RO60: variants seen among roughly 807,000 people sequenced by gnomAD.
The protein encoded by RO60 is RNA-binding protein RO60.
In RO60, 20 loss-of-function variants were observed where a neutral mutation model predicts 55.3. The ratio of observed to expected loss-of-function variants is 0.36; its 90% CI spans 0.25 to 0.53. The LOEUF is 0.53. Among genes scored for constraint, RO60 ranks in the 20% least tolerant of loss-of-function variants. The pLI, the probability that RO60 is intolerant of heterozygous loss-of-function variation, is 0.92. For synonymous variants in RO60, 213 were observed against 213.6 expected, an observed-to-expected ratio of 1.00 and a Z score of 0.02; for missense variants, 558 against 646.6, an observed-to-expected ratio of 0.86 and a Z score of 1.49.
chr1:193,059,929 C>T lies in RO60; in HGVS notation c.-22+153C>T, dbSNP rs1163813599. ...ATCGCTCTTCCCCGTCCCGCTTCCG[C>T]GCCTGTCCACCCTGGGTAACGGAAC... On this transcript the variant is annotated intron_variant, in intron 1 of 8. Transcript: ENST00000400968. This position sits in a 1 kb window ranked among gnomAD's most constrained non-coding sequence, Gnocchi z 4.9. 7.3e-6 allele frequency: 10 copies of T among 1,366,294 alleles called. No homozygotes were observed. Among genetic ancestry groups the T allele is most frequent in the Non-Finnish European group, 6.9e-6 (7 of 1,021,756 alleles). The allele number at this position is 1,366,294 out of a possible 1,614,324, so 84.6% of individuals were successfully genotyped here.
intron 1 of RO60, chr1:193,060,380 T>C: frequency 4.1e-6 from 1 of 244,848 alleles, no homozygotes; most frequent in Non-Finnish European, 8.2e-6. Context: ...ATTTACTAAA[T>C]TGCCCTCATT....
intron 2 of RO60, among the ~76,000 whole-genome samples, chr1:193,073,945 T>C (rs1558243279): frequency 1.4e-5 from 2 of 145,558 alleles, no homozygotes; most frequent in Non-Finnish European, 3.0e-5. Context: ...TGTCCATGTG[T>C]TCTCATTGTT....
intron 1 of RO60, among the ~76,000 whole-genome samples, chr1:193,067,345 C>T (rs1031516541): frequency 4.6e-5 from 7 of 151,846 alleles, no homozygotes; most frequent in East Asian, 3.9e-4. Context: ...CCTGCCAACA[C>T]GCCCGGCTAA....
At chr1:193,080,313 G>C (rs1674222644) in intron 5 of RO60, among the ~76,000 whole-genome samples, 1 of 152,088 alleles carries the variant, frequency 6.6e-6, no homozygotes. Flanking sequence ...TGGTGGGAAT[G>C]TAAAATGGTA....
chr1:193,084,728 T>A lies in RO60; in HGVS notation c.1614T>A (p.Ile538=), dbSNP rs1558255191. The A allele has an allele frequency of 1.2e-6, 2 of 1,611,892 alleles. No individual in the cohort carries two copies. Among genetic ancestry groups the A allele is most frequent in the Non-Finnish European group, 1.7e-6 (2 of 1,179,354 alleles). The change falls in exon 9 of 9, where the codon ATT becomes ATA. Residue 538 remains isoleucine (I), a synonymous_variant. Coordinates refer to ENST00000400968, the MANE Select transcript of RO60 (RefSeq NM_001173524.2). ...TTCGAAATTTCACATTAGATATGAT[T>A]TAACCATAAGCAGCAGCACGATCCA... ...DVIRNFTLDM[I]
At chr1:193,060,037 T>C in intron 1 of RO60, 2 of 1,346,530 alleles carry the variant, frequency 1.5e-6, no homozygotes, top group Non-Finnish European at 2.0e-6. Flanking sequence ...GGACCGCTCC[T>C]GCTTGTCGGC....
Position 193,069,188 on chromosome 1 carries a change from C to A in RO60, c.134C>A (p.Thr45Asn). ...RFLCFGSEGGTYYIKEQKLGL... is the reference protein window; with the variant it reads ...RFLCFGSEGGNYYIKEQKLGL... ...TTATGTTTCGGTTCTGAAGGTGGGA[C>A]TTATTATATCAAAGAACAGAAGTTG... Residue 45 changes from threonine (T) to asparagine (N), a missense_variant, in exon 2 of 9, where the codon ACT becomes AAT. Transcript: ENST00000400968. 1 of 1,614,120 alleles carries A rather than the reference C, an allele frequency of 6.2e-7. No individual in the cohort carries two copies. The highest frequency in any genetic ancestry group is 8.5e-7 in the Non-Finnish European group (1 of 1,180,024).
chr1:193,087,680 G>A lies in RO60; in HGVS notation c.*2949G>A, dbSNP rs1029752556. On this transcript the variant is annotated 3_prime_UTR_variant, in exon 9 of 9. Coordinates refer to ENST00000400968, the MANE Select transcript of RO60 (RefSeq NM_001173524.2). ...ACATATCTGTGCTTGGATCATAGAA[G>A]AATCAGTGATTTAATATTTGTATAA... 2.0e-5 allele frequency: 3 copies of A among 151,338 alleles called. No individual in the cohort carries two copies. Among genetic ancestry groups the A allele is most frequent in the Non-Finnish European group, 4.4e-5 (3 of 67,874 alleles). 9.4% of individuals were successfully genotyped at this position (151,338 alleles called of 1,614,324 possible). A position where few individuals can be genotyped will look rare whatever the true frequency, so the allele number is the denominator to read the frequency against.
chr1:193,062,880 G>C (rs951429776), intron 1 of RO60, among the ~76,000 whole-genome samples: 1 of 151,944 alleles, frequency 6.6e-6, no homozygotes. Flanking sequence ...CCTTTTTATT[G>C]TCTAATAATA....
rs1198877786 is a variant in RO60 at position 193,060,371 on chromosome 1, T to C, written c.-22+595T>C. 1.6e-5 allele frequency: 4 copies of C among 248,472 alleles called. No individual in the cohort carries two copies. In the East Asian group the frequency reaches 4.3e-4, roughly 27 times the overall value. The allele number at this position is 248,472 out of a possible 1,614,324, so 15.4% of individuals were successfully genotyped here. The stretch of plus-strand genomic sequence containing the variant: ...AGTTAAACCAAATATTTACTAAATA[T>C]TTACTAAATTGCCCTCATTCAGCAG... On this transcript the variant is annotated intron_variant, in intron 1 of 8. Transcript: ENST00000400968.
At chr1:193,066,872 C>T (rs929372710) in intron 1 of RO60, among the ~76,000 whole-genome samples, 4 of 152,172 alleles carry the variant, frequency 2.6e-5, no homozygotes, top group African/African-American at 7.2e-5. Flanking sequence ...TCAGAAACCT[C>T]TTCCTGGAGC....
intron 2 of RO60, among the ~76,000 whole-genome samples, chr1:193,073,910 CT>C (rs1402645452): frequency 1.4e-5 from 2 of 139,742 alleles, no homozygotes; most frequent in Non-Finnish European, 3.0e-5. Context: ...ACAACAGGCC[CT>C]GGTGTGTGAT....
rs1186773923 is a variant in RO60 at position 193,090,807 on chromosome 1, G to T, written c.*6076G>T. On this transcript the variant is annotated 3_prime_UTR_variant, in exon 9 of 9. Transcript: ENST00000400968. ...AGGCATACTAGTTACTTTCCTTGGG[G>T]TCTGTTTAAATAATGCCTTAATAGT... 1 of 151,768 alleles carries T rather than the reference G, an allele frequency of 6.6e-6. No homozygotes were observed. Among genetic ancestry groups the T allele is most frequent in the South Asian group, 2.1e-4 (1 of 4,820 alleles). The allele number at this position is 151,768 out of a possible 1,614,324, so 9.4% of individuals were successfully genotyped here.
At position 193,075,826 on chromosome 1, in the gene RO60, C is replaced by G. The variant is rs1558245104; in HGVS notation, c.587C>G (p.Ala196Gly). The change falls in exon 3 of 9, where the codon GCA becomes GGA. Residue 196 changes from alanine to glycine, a missense_variant. By Grantham distance (60) the Ala-to-Gly change is moderately conservative. Coordinates refer to ENST00000400968, the MANE Select transcript of RO60 (RefSeq NM_001173524.2). ...ATTCTTTATCTTGTTAAAGGACTTG[C>G]AATTGTGACCAAATATATTACAAAG... ...SHLKPSSEGL[A>G]IVTKYITKGW... 1 of 1,600,138 alleles carries G rather than the reference C, an allele frequency of 6.2e-7. No homozygotes were observed. The highest frequency in any genetic ancestry group is 1.1e-5 in the South Asian group (1 of 88,136).
In RO60 at chr1:193,069,605, G is replaced by A; in HGVS notation, c.551G>A (p.Arg184Lys). 2 of 1,613,498 alleles carry A rather than the reference G, an allele frequency of 1.2e-6. No homozygotes were observed. The highest frequency in any genetic ancestry group is 1.7e-6 in the Non-Finnish European group (2 of 1,179,522). ...GGCTGGTCTCACAAAGATCTATTAAGATTGTCACATCTTAAACCTTCCAGT... is the reference window on the plus strand; with the variant it reads ...GGCTGGTCTCACAAAGATCTATTAAAATTGTCACATCTTAAACCTTCCAGT... ...RNGWSHKDLL[R>K]LSHLKPSSEG... Residue 184 changes from arginine to lysine, a missense_variant, in exon 2 of 9, where the codon AGA becomes AAA. By Grantham distance (26) the Arg-to-Lys change is conservative. Coordinates refer to ENST00000400968, the MANE Select transcript of RO60 (RefSeq NM_001173524.2).
intron 5 of RO60, among the ~76,000 whole-genome samples, chr1:193,079,081 C>CTTTTTTTTT (rs745317535): frequency 2.3e-5 from 2 of 85,952 alleles, no homozygotes; most frequent in African/African-American, 4.3e-5. Context: ...GTTCAGTTGA[C>CTTTTTTTTT]TTTTTTTTTT....
rs904488570 is a variant in RO60 at position 193,082,379 on chromosome 1, G to A, written c.1317+80G>A. 1.7e-5 allele frequency: 23 copies of A among 1,348,288 alleles called. No individual in the cohort carries two copies. The Admixed American group carries it at 4.7e-4, about 28-fold the overall frequency. 83.5% of individuals were successfully genotyped at this position (1,348,288 alleles called of 1,614,324 possible). A position where few individuals can be genotyped will look rare whatever the true frequency, so the allele number is the denominator to read the frequency against. On this transcript the variant is annotated intron_variant, in intron 7 of 8. Transcript: ENST00000400968. ...TGATTTTATATTGATGTCATGTATG[G>A]TATTAATCTGTGAGAACAAAATTTT...
In RO60 at chr1:193,090,867, TC is replaced by T. The variant is rs1243273901; in HGVS notation, c.*6137del. 1 of 152,046 alleles carries T rather than the reference TC, an allele frequency of 6.6e-6. No homozygotes were observed. The highest frequency in any genetic ancestry group is 1.5e-5 in the Non-Finnish European group (1 of 67,956). The allele number at this position is 152,046 out of a possible 1,614,324, so 9.4% of individuals were successfully genotyped here. On this transcript the variant is annotated 3_prime_UTR_variant, in exon 9 of 9. Coordinates refer to ENST00000400968, the MANE Select transcript of RO60 (RefSeq NM_001173524.2). The stretch of plus-strand genomic sequence containing the variant: ...TTTCTGAAATACAGAACTCAAAGGG[TC>T]TTTTAGAGCTTTTAATTTTACATAG...
chr1:193,073,342 C>T (rs892301193), intron 2 of RO60, among the ~76,000 whole-genome samples: 10 of 152,138 alleles, frequency 6.6e-5, no homozygotes, highest in Non-Finnish European at 1.2e-4. Context: ...ATAATAGGCT[C>T]AGTTGGCATA....
Sources: allele counts gnomAD v4.1 joint callset (sites outside exome capture counted in the v4.1 genomes callset), GRCh38; gene constraint gnomAD v4.1.1; non-coding constraint Gnocchi (gnomAD v3.1); transcripts MANE v1.5; gene names NCBI Gene and HGNC (gene_info 2026-07-23, HGNC 2026-07-21).